The following HPR variants were observed in gnomAD, a reference collection of about 807,000 sequenced individuals.
HPR encodes the protein haptoglobin-related protein.
In HPR, 17 loss-of-function variants were observed where a neutral mutation model predicts 18.5. That is an observed-to-expected ratio of 0.92 (90% CI 0.63 to 1.38). The LOEUF (loss-of-function observed/expected upper bound fraction) is 1.38. HPR is among the 40% of genes most tolerant of loss of function. HPR has a pLI of 0.00. For missense variants in HPR, 457 were observed against 432.4 expected (o/e 1.06, Z -0.51); for synonymous variants, 176 against 165.0 (o/e 1.07, Z -0.51).
Position 72,073,894 on chromosome 16 carries a change from A to C in HPR, c.8A>C (p.Asp3Ala), listed in dbSNP as rs754503491. The change falls in exon 2 of 5, where the codon GAC becomes GCC. Residue 3 changes from aspartate (D) to alanine (A), a missense_variant and splice_region_variant. Transcript: ENST00000540303. MSDLGAVISLLLW... is the reference protein window; with the variant it reads MSALGAVISLLLW... The stretch of plus-strand genomic sequence containing the variant: ...TCCTTCTTGTTTTCTCTCTGCAGTG[A>C]CCTGGGAGCTGTCATTTCCCTCCTG... The C allele has an allele frequency of 6.2e-7, 1 of 1,613,764 alleles. No individual in the cohort carries two copies. Among genetic ancestry groups the C allele is most frequent in the South Asian group, 1.1e-5 (1 of 91,070 alleles).
chr16:72,074,063 A>G, intron 2 of HPR, 86 bp downstream of exon 2: 1 of 1,550,204 alleles, frequency 6.5e-7, no homozygotes, highest in Non-Finnish European at 8.9e-7. Context: ...TCTTTCTTTG[A>G]GAACACACAG....
chr16:72,073,139 A>G (rs1437195859), intron 1 of HPR, among the ~76,000 whole-genome samples: 5 of 152,262 alleles, frequency 3.3e-5, no homozygotes, highest in Non-Finnish European at 5.9e-5. Flanking sequence ...AAGTTAGCCA[A>G]CCGGGTTCAG....
chr16:72,070,111 CTAAA>C (rs2041639305), intron 1 of HPR, among the ~76,000 whole-genome samples: 1 of 152,204 alleles, frequency 6.6e-6, no homozygotes. Context: ...AGCCACTTAA[CTAAA>C]TTAGTTCTAG....
At chr16:72,065,654 C>A (rs189767807) in intron 1 of HPR, among the ~76,000 whole-genome samples, 10 of 152,088 alleles carry the variant, frequency 6.6e-5, no homozygotes, top group Non-Finnish European at 1.3e-4. Context: ...AAGTATGGGT[C>A]GAATGAGGGT....
At chr16:72,072,277 G>C (rs1391728701) in intron 1 of HPR, among the ~76,000 whole-genome samples, 3 of 152,134 alleles carry the variant, frequency 2.0e-5, no homozygotes, top group Non-Finnish European at 2.9e-5. Flanking sequence ...CAAAGTGCTG[G>C]GATTACAGGC....
In HPR at chr16:72,074,399, A is replaced by C; in HGVS notation, c.193+14A>C. The stretch of plus-strand genomic sequence containing the variant: ...CAGAAGGAGATGGTAAGACCTGGAC[A>C]ACTATCTCTGTGCTCTACCTACAAC... On this transcript the variant is annotated intron_variant, in intron 3 of 4. Coordinates refer to ENST00000540303, the MANE Select transcript of HPR (RefSeq NM_020995.4). 1 of 1,578,168 alleles carries C rather than the reference A, an allele frequency of 6.3e-7. No homozygotes were observed. Among genetic ancestry groups the C allele is most frequent in the Non-Finnish European group, 8.7e-7 (1 of 1,147,186 alleles).
chr16:72,068,838 A>C (rs1384435799), intron 1 of HPR, among the ~76,000 whole-genome samples: 1 of 152,152 alleles, frequency 6.6e-6, no homozygotes. Context: ...AAGGTGACTA[A>C]CTGACTCCAG....
At chr16:72,064,535 C>G (rs1388646729) in intron 1 of HPR, among the ~76,000 whole-genome samples, 1 of 152,206 alleles carries the variant, frequency 6.6e-6, no homozygotes. Context: ...CTGCACTTTG[C>G]AAGTTAGCCA....
chr16:72,065,887 A>G (rs2041592712), intron 1 of HPR, among the ~76,000 whole-genome samples: 1 of 152,094 alleles, frequency 6.6e-6, no homozygotes, highest in African/African-American at 2.4e-5. Context: ...TCCTTTGCTT[A>G]CTGCCCCAAT....
chr16:72,073,180 G>C (rs1304969091), intron 1 of HPR, among the ~76,000 whole-genome samples: 2 of 152,142 alleles, frequency 1.3e-5, no homozygotes, highest in African/African-American at 4.8e-5. Context: ...TCTAGCCAAT[G>C]GAGTCAGGAT....
chr16:72,074,908 C>T (rs1408154685), intron 3 of HPR, among the ~76,000 whole-genome samples: 21 of 152,322 alleles, frequency 1.4e-4, no homozygotes, highest in East Asian at 5.8e-4. Context: ...CCTGTACTGC[C>T]TGGCTGTGAC....
rs376492493 is a variant in HPR, at chr16:72,076,814, C to A, written c.780C>A (p.Cys260Ter). Reference sequence around the variant, plus strand: ...TAACGCATTATGAAGGCAGCACATGCCCCAAATGGAAGGCACCGAAGAGCC... The same window carrying A: ...TAACGCATTATGAAGGCAGCACATGACCCAAATGGAAGGCACCGAAGAGCC... Reference protein sequence around the residue: ...DCITHYEGSTCPKWKAPKSPV... With the variant: ...DCITHYEGST The change falls in exon 5 of 5, where the codon TGC becomes TGA. Residue 260 changes from cysteine (C) to a stop codon, truncating the protein, a stop_gained. Transcript: ENST00000540303. LOFTEE classifies it high-confidence loss of function. The A allele has an allele frequency of 2.1e-4, 336 of 1,614,100 alleles. No individual in the cohort carries two copies. The highest frequency in any genetic ancestry group is 2.7e-4 in the Non-Finnish European group (318 of 1,180,050).
chr16:72,070,719 T>C (rs188644811), intron 1 of HPR, among the ~76,000 whole-genome samples: 109 of 152,302 alleles, frequency 7.2e-4, no homozygotes, highest in Non-Finnish European at 1.3e-3. Context: ...TGTTCAGTCA[T>C]CCTGTGTGGA....
In HPR at chr16:72,076,794, C is replaced by T; in HGVS notation, c.760C>T (p.His254Tyr). The change falls in exon 5 of 5, where the codon CAT (histidine) becomes TAT (tyrosine). Residue 254 changes from histidine to tyrosine, a missense_variant. Physicochemically the swap from His to Tyr is moderately conservative, Grantham distance 83. Coordinates refer to ENST00000540303, the MANE Select transcript of HPR (RefSeq NM_020995.4). Reference sequence around the variant, plus strand: ...GGCTGACCAATACGATTGCATAACGCATTATGAAGGCAGCACATGCCCCAA... The same window carrying T: ...GGCTGACCAATACGATTGCATAACGTATTATGAAGGCAGCACATGCCCCAA... The part of the protein sequence containing the change: ...PVADQYDCIT[H>Y]YEGSTCPKWK... 1 of 1,614,222 alleles carries T rather than the reference C, an allele frequency of 6.2e-7. No homozygotes were observed.
intron 1 of HPR, among the ~76,000 whole-genome samples, chr16:72,071,763 G>A (rs2041658203): frequency 6.6e-6 from 1 of 152,136 alleles, no homozygotes; most frequent in Non-Finnish European, 1.5e-5. Flanking sequence ...AATTCCATTG[G>A]CTATCCCTTT....
intron 1 of HPR, among the ~76,000 whole-genome samples, chr16:72,064,901 C>T (rs2041581667): frequency 6.6e-6 from 1 of 152,178 alleles, no homozygotes; most frequent in Non-Finnish European, 1.5e-5. Flanking sequence ...TCGAGACCCA[C>T]CTGGTCTGAT....
chr16:72,074,983 C>A (rs536104099), intron 3 of HPR, among the ~76,000 whole-genome samples, 162 bp from the exon 4 acceptor site: 16 of 152,260 alleles, frequency 1.1e-4, no homozygotes, highest in African/African-American at 3.9e-4. Flanking sequence ...TCCAGCACAG[C>A]ACTCTTTCCC....
intron 1 of HPR, among the ~76,000 whole-genome samples, chr16:72,071,368 A>C (rs1370043649): frequency 6.6e-6 from 1 of 152,212 alleles, no homozygotes; most frequent in African/African-American, 2.4e-5. Flanking sequence ...GGTAGACCAG[A>C]GGCCCAGATT....
chr16:72,075,004 T>C (rs566525732), intron 3 of HPR, 141 bp from the exon 4 acceptor site: 9 of 1,334,004 alleles, frequency 6.7e-6, no homozygotes, highest in Non-Finnish European at 9.5e-6. Context: ...TTCCTCCTTC[T>C]CGTATTCTCT....
Sources: gnomAD v4.1 joint callset for allele counts (sites outside exome capture counted in the v4.1 genomes callset) on GRCh38, gnomAD v4.1.1 for gene constraint, MANE v1.5 for transcripts, NCBI Gene and HGNC (gene_info 2026-07-23, HGNC 2026-07-21) for gene names.